The following DOCK5 variants were observed in gnomAD, a reference collection of about 807,000 sequenced individuals.
The protein encoded by DOCK5 is dedicator of cytokinesis protein 5.
In DOCK5, 142 loss-of-function variants were observed where a neutral mutation model predicts 251.8. That is an observed-to-expected ratio of 0.56 (90% CI 0.49 to 0.65). The LOEUF (loss-of-function observed/expected upper bound fraction) is 0.65, where lower values mean the gene tolerates loss of function less well. Among genes scored for constraint, DOCK5 ranks in the 30% least tolerant of loss-of-function variants. DOCK5 has a pLI of 0.00. For missense variants in DOCK5, 2,111 were observed against 2,312.3 expected, an observed-to-expected ratio of 0.91 and a Z score of 1.79; for synonymous variants, 842 against 835.5, an observed-to-expected ratio of 1.01 and a Z score of -0.13.
chr8:25,282,313 G>C (rs955732778), intron 5 of DOCK5, among the ~76,000 whole-genome samples: 112 of 150,898 alleles, frequency 7.4e-4, no homozygotes, highest in South Asian at 2.1e-4. Context: ...AAACGTTTCT[G>C]TATCAAAGTA....
At chr8:25,399,775 G>A in intron 45 of DOCK5, 136 bp from the exon 46 acceptor site, 2 of 648,482 alleles carry the variant, frequency 3.1e-6, no homozygotes, top group Non-Finnish European at 5.5e-6. Flanking sequence ...TAGTATAAGA[G>A]CTGTCTGAGG....
chr8:25,387,450 C>T (rs972552582), intron 40 of DOCK5, among the ~76,000 whole-genome samples: 1 of 152,182 alleles, frequency 6.6e-6, no homozygotes, highest in Non-Finnish European at 1.5e-5. Flanking sequence ...GCCCTTCTCC[C>T]GACACCAAAG....
At chr8:25,336,408 C>G in intron 22 of DOCK5, 35 bp downstream of exon 22, 1 of 1,605,500 alleles carries the variant, frequency 6.2e-7, no homozygotes, top group South Asian at 1.1e-5. Flanking sequence ...TTTAGATTAT[C>G]AGCTGTCACT....
At chr8:25,228,064 A>T (rs1278886437) in intron 1 of DOCK5, among the ~76,000 whole-genome samples, 1 of 152,010 alleles carries the variant, frequency 6.6e-6, no homozygotes, top group African/African-American at 2.4e-5. Context: ...TTTTGTAGAG[A>T]TGGAGTTTTG....
chr8:25,408,736 T>G, intron 49 of DOCK5, 66 bp from the exon 50 acceptor site: 22 of 1,581,054 alleles, frequency 1.4e-5, no homozygotes, highest in Non-Finnish European at 1.6e-5. Context: ...ACAAGGCTGT[T>G]GAGAGCATTG....
rs1432860881 is a variant in DOCK5 at position 25,239,335 on chromosome 8, GTGTGTA to G, written c.44-4333_44-4328del. On this transcript the variant is annotated intron_variant, in intron 1 of 51. Transcript: ENST00000276440. ...TGCGTGTATATGTGTGTGTGTGTGT[GTGTGTA>G]TGTGTGTGTGTGTGTGTGTGTGTGT... is the stretch of plus-strand genomic sequence containing the variant. Among the ~76,000 whole-genome samples, 480 of 123,036 alleles carry G rather than the reference GTGTGTA, an allele frequency of 3.9e-3. 1 individual carries two copies. The highest frequency in any genetic ancestry group is 0.014 in the African/African-American group (432 of 30,236). The allele number at this position is 123,036 out of a possible 152,430, so 80.7% of individuals were successfully genotyped here.
intron 41 of DOCK5, 23 bp downstream of exon 41, chr8:25,389,255 G>A (rs1801216083): frequency 1.9e-6 from 3 of 1,609,080 alleles, no homozygotes; most frequent in Admixed American, 1.7e-5. Context: ...GGGGGAGTAT[G>A]GCCCCGAGGC....
chr8:25,288,297 G>T (rs1804395839), intron 5 of DOCK5, among the ~76,000 whole-genome samples: 1 of 152,182 alleles, frequency 6.6e-6, no homozygotes, highest in East Asian at 1.9e-4. Flanking sequence ...ATCTTGCTTA[G>T]AACGCTCTTA....
chr8:25,377,180 T>G, intron 37 of DOCK5, 125 bp from the exon 38 acceptor site: 1 of 1,330,608 alleles, frequency 7.5e-7, no homozygotes, highest in Non-Finnish European at 9.9e-7. Flanking sequence ...TATATGTAAC[T>G]TTTGTGTTTA....
chr8:25,247,549 T>A (rs1803150808), intron 2 of DOCK5, among the ~76,000 whole-genome samples: 1 of 151,740 alleles, frequency 6.6e-6, no homozygotes, highest in Admixed American at 6.6e-5. Context: ...GTGAGCTGAC[T>A]ACACCACTAC....
At position 25,408,809 on chromosome 8, in the gene DOCK5, C is replaced by A. The variant is rs1240001013; in HGVS notation, c.5273C>A (p.Thr1758Asn). The A allele has an allele frequency of 6.2e-7, 1 of 1,613,858 alleles. No homozygotes were observed. ...TTTTCTCTCTGGTCCTAGAGCCCAA[C>A]CAGAAAAGCACAAAGGCCAAAGAGT... is the stretch of plus-strand genomic sequence containing the variant. ...KAPEPDLMSP[T>N]RKAQRPKSLQ... is the part of the protein sequence containing the mutation. The change falls in exon 50 of 52, where the codon ACC (threonine) becomes AAC (asparagine). Residue 1758 changes from threonine (T) to asparagine (N), a missense_variant. Coordinates refer to ENST00000276440, the MANE Select transcript of DOCK5 (RefSeq NM_024940.8).
At chr8:25,373,568 A>C (rs761613884) in intron 35 of DOCK5, 50 bp from the exon 36 acceptor site, 8 of 1,533,484 alleles carry the variant, frequency 5.2e-6, no homozygotes, top group Non-Finnish European at 7.1e-6. Flanking sequence ...TTTTGTGTCA[A>C]TAGCTCTTGA....
At position 25,336,245 on chromosome 8, in the gene DOCK5, C is replaced by G. The variant is rs565630259; in HGVS notation, c.2199C>G (p.Leu733=). 17 of 1,612,400 alleles carry G rather than the reference C, an allele frequency of 1.1e-5. No homozygotes were observed. The East Asian group carries it at 3.8e-4, about 36-fold the overall frequency. The change falls in exon 22 of 52, where the codon CTC becomes CTG. Residue 733 remains leucine, a synonymous_variant. Coordinates refer to ENST00000276440, the MANE Select transcript of DOCK5 (RefSeq NM_024940.8). Reference sequence around the variant, plus strand: ...TCTTTCTCATTCTTCTAAGGAAACTCTCCAAGGTACTGAACTTCTATGTGG... The same window carrying G: ...TCTTTCTCATTCTTCTAAGGAAACTGTCCAAGGTACTGAACTTCTATGTGG... The part of the protein sequence containing the change: ...HFSATLAYVK[L]SKVLNFYVAN...
In DOCK5 at chr8:25,292,119, T is replaced by C. The variant is rs761778700; in HGVS notation, c.417T>C (p.Asp139=). The C allele has an allele frequency of 7.6e-6, 12 of 1,588,694 alleles. No homozygotes were observed. The highest frequency in any genetic ancestry group is 3.4e-6 in the Non-Finnish European group (4 of 1,167,068). The change falls in exon 6 of 52, where the codon GAT becomes GAC. Residue 139 remains aspartate (D), a synonymous_variant. Coordinates refer to ENST00000276440, the MANE Select transcript of DOCK5 (RefSeq NM_024940.8). ...TCCTGTCTGGGACGCTCCCCAAGGA[T>C]GAACTGGCAGAGCTCAAGAAGAAAG... ...SQILSGTLPK[D]ELAELKKKVT... is the part of the protein sequence containing the mutation.
chr8:25,337,048 A>G (rs1409089677), intron 22 of DOCK5, among the ~76,000 whole-genome samples: 2 of 152,222 alleles, frequency 1.3e-5, no homozygotes, highest in African/African-American at 4.8e-5. Flanking sequence ...ACAACCTGCA[A>G]AAAGGTTACA....
At position 25,403,699 on chromosome 8, in the gene DOCK5, G is replaced by C. The variant is rs1167502630; in HGVS notation, c.5068G>C (p.Ala1690Pro). The stretch of plus-strand genomic sequence containing the variant: ...CACCTCTTCAAACTCGTCTGACAAT[G>C]CTCCTTCCAGACCGGGATCTGATGG... ...VSTSSNSSDN[A>P]PSRPGSDGSI... Residue 1690 changes from alanine (A) to proline (P), a missense_variant, in exon 48 of 52, where the codon GCT becomes CCT. This residue lies in a region of DOCK5 where 1,717 missense variants were observed against 1,892.4 expected (regional missense o/e 0.91). Transcript: ENST00000276440. 1 of 1,613,844 alleles carries C rather than the reference G, an allele frequency of 6.2e-7. No individual in the cohort carries two copies. The highest frequency in any genetic ancestry group is 1.7e-5 in the Admixed American group (1 of 60,012).
Position 25,410,173 on chromosome 8 carries a change from T to A in DOCK5, c.5479T>A (p.Tyr1827Asn), listed in dbSNP as rs760160756. Reference protein sequence around the residue: ...PPPPPPKSKPYEGSQRNSTEL... With the variant: ...PPPPPPKSKPNEGSQRNSTEL... ...TCCACCTCCCCCCAAAAGCAAGCCC[T>A]ATGAAGGCAGCCAGAGGAACTCCAC... Residue 1827 changes from tyrosine (Y) to asparagine (N), a missense_variant, in exon 51 of 52, where the codon TAT (tyrosine) becomes AAT (asparagine). Transcript: ENST00000276440. The A allele has an allele frequency of 6.2e-7, 1 of 1,613,510 alleles. No homozygotes were observed. Among genetic ancestry groups the A allele is most frequent in the South Asian group, 1.1e-5 (1 of 91,020 alleles).
rs1563202088 is a variant in DOCK5 at position 25,323,969 on chromosome 8, T to C, written c.1719+18T>C. 1 of 1,588,566 alleles carries C rather than the reference T, an allele frequency of 6.3e-7. No homozygotes were observed. The highest frequency in any genetic ancestry group is 1.8e-5 in the Admixed American group (1 of 55,066). On this transcript the variant is annotated intron_variant, in intron 17 of 51. Coordinates refer to ENST00000276440, the MANE Select transcript of DOCK5 (RefSeq NM_024940.8). ...TTTATAAGGTGGTGCTAACAGAAAA[T>C]GGCTGAGAAAAATACTCCCTTTCAA... is the stretch of plus-strand genomic sequence containing the variant.
rs765113308 is a variant in DOCK5, at chr8:25,382,824, G to T, written c.4131+46G>T. 7 of 1,482,120 alleles carry T rather than the reference G, an allele frequency of 4.7e-6. No individual in the cohort carries two copies. The Admixed American group carries it at 5.9e-5, about 12-fold the overall frequency. The allele number at this position is 1,482,120 out of a possible 1,614,324, so 91.8% of individuals were successfully genotyped here. ...CTCCCAGGCCATTAGGAGGAGGGAA[G>T]AGACTCATTTCTTTTCCAGATGGGC... is the stretch of plus-strand genomic sequence containing the variant. On this transcript the variant is annotated intron_variant, in intron 40 of 51. Coordinates refer to ENST00000276440, the MANE Select transcript of DOCK5 (RefSeq NM_024940.8).
Sources: allele counts gnomAD v4.1 joint callset (sites outside exome capture counted in the v4.1 genomes callset), GRCh38; gene constraint gnomAD v4.1.1; regional missense constraint gnomAD v4.1.1; transcripts MANE v1.5; gene names NCBI Gene and HGNC (gene_info 2026-07-23, HGNC 2026-07-21).